DZIP1L: variants seen among roughly 807,000 people sequenced by gnomAD.
The protein encoded by DZIP1L is DAZ interacting zinc finger protein 1 like.
A neutral mutation model predicts 88.7 loss-of-function variants in DZIP1L; 90 were observed. The ratio of observed to expected loss-of-function variants is 1.02; its 90% CI spans 0.86 to 1.21. The LOEUF is 1.21. Among genes scored for constraint, DZIP1L ranks in the 50% most tolerant of loss-of-function variants. DZIP1L has a pLI of 0.00. For synonymous variants in DZIP1L, 363 were observed against 372.1 expected (o/e 0.98, Z 0.28); for missense variants, 932 against 955.8 (o/e 0.98, Z 0.33).
chr3:138,064,724 T>C lies in DZIP1L; in HGVS notation c.2046A>G (p.Leu682=). 1.2e-6 allele frequency: 2 copies of C among 1,605,246 alleles called. No homozygotes were observed. The highest frequency in any genetic ancestry group is 1.7e-6 in the Non-Finnish European group (2 of 1,176,766). The change falls in exon 15 of 16, where the codon CTA becomes CTG. Residue 682 remains leucine (L), a synonymous_variant. Transcript: ENST00000327532. Reference sequence around the variant, plus strand: ...CAGCAGGCTTCTTTGCTGGAGCTTCTAGCTGCTTCTCCAGGTTTTTGACCA... The same window carrying C: ...CAGCAGGCTTCTTTGCTGGAGCTTCCAGCTGCTTCTCCAGGTTTTTGACCA... The part of the protein sequence containing the change: ...QSMVKNLEKQ[L]EAPAKKPAGG...
intron 11 of DZIP1L, among the ~76,000 whole-genome samples, chr3:138,072,155 TC>T (rs1943211384): frequency 6.6e-6 from 1 of 152,230 alleles, no homozygotes; most frequent in Non-Finnish European, 1.5e-5. Context: ...TCTGACTGAA[TC>T]CTAGGATAAG....
chr3:138,099,833 C>A (rs1944644017), intron 2 of DZIP1L, among the ~76,000 whole-genome samples: 1 of 152,206 alleles, frequency 6.6e-6, no homozygotes, highest in Non-Finnish European at 1.5e-5. Context: ...TCATCAGGTG[C>A]CCAGTCTTGA....
In DZIP1L at chr3:138,071,831, G is replaced by T; in HGVS notation, c.1427C>A (p.Ala476Glu). 1 of 1,612,176 alleles carries T rather than the reference G, an allele frequency of 6.2e-7. No homozygotes were observed. The highest frequency in any genetic ancestry group is 8.5e-7 in the Non-Finnish European group (1 of 1,179,276). Residue 476 changes from alanine (A) to glutamate (E), a missense_variant, in exon 12 of 16, where the codon GCA becomes GAA. Ala to Glu is a moderately radical substitution (Grantham distance 107). Transcript: ENST00000327532. ...KLESMGIRKD[A>E]KGISIQTLRH... ...GAGAGTCTGAATCGAGATTCCCTTTGCATCCTAGAGGAGACAGGAGTTCAC... is the reference window on the plus strand; with the variant it reads ...GAGAGTCTGAATCGAGATTCCCTTTTCATCCTAGAGGAGACAGGAGTTCAC...
chr3:138,068,866 CCT>C (rs1943042508), intron 12 of DZIP1L: 1 of 1,208,014 alleles, frequency 8.3e-7, no homozygotes, highest in Non-Finnish European at 1.0e-6. Flanking sequence ...GGACACAGCC[CCT>C]CTGTTTTCCA....
chr3:138,099,926 C>T (rs927090721), intron 2 of DZIP1L, among the ~76,000 whole-genome samples: 8 of 152,200 alleles, frequency 5.3e-5, no homozygotes, highest in Non-Finnish European at 5.9e-5. Flanking sequence ...TATTGCAACA[C>T]TAAACTTACT....
intron 5 of DZIP1L, among the ~76,000 whole-genome samples, chr3:138,091,503 A>T (rs1944222303): frequency 6.6e-6 from 1 of 151,660 alleles, no homozygotes; most frequent in Non-Finnish European, 1.5e-5. Context: ...CTGTAATCCC[A>T]GTTACTCCGG....
chr3:138,110,288 C>T (rs532440006), intron 1 of DZIP1L, among the ~76,000 whole-genome samples: 125 of 152,102 alleles, frequency 8.2e-4, no homozygotes, highest in African/African-American at 2.9e-3. Flanking sequence ...ACATCACACA[C>T]CAGGGCCTGT....
chr3:138,071,256 T>C (rs1943163882), intron 12 of DZIP1L, among the ~76,000 whole-genome samples: 1 of 152,202 alleles, frequency 6.6e-6, no homozygotes, highest in Non-Finnish European at 1.5e-5. Context: ...CTGGCATGCC[T>C]GGTGTGTAGA....
rs2107850267 is a variant in DZIP1L, at chr3:138,104,067, G to C, written c.-81-15C>G. 6.6e-7 allele frequency: 1 copy of C among 1,508,348 alleles called. No homozygotes were observed. Among genetic ancestry groups the C allele is most frequent in the East Asian group, 2.3e-5 (1 of 44,088 alleles). The allele number at this position is 1,508,348 out of a possible 1,614,324, so 93.4% of individuals were successfully genotyped here. ...TGAGAGAAGGCCTGGAAAATAAGAA[G>C]AGAGTCCAAGTTAGGTGAGGTGTGT... On this transcript the variant is annotated splice_polypyrimidine_tract_variant and intron_variant, in intron 1 of 15. Transcript: ENST00000327532.
intron 1 of DZIP1L, among the ~76,000 whole-genome samples, chr3:138,104,306 A>G (rs902429404): frequency 1.3e-5 from 2 of 152,248 alleles, no homozygotes; most frequent in African/African-American, 4.8e-5. Context: ...AAGGAGGAAC[A>G]TGGGTCCCAC....
intron 9 of DZIP1L, 100 bp downstream of exon 9, chr3:138,081,634 A>G (rs1305523724): frequency 3.2e-6 from 4 of 1,259,888 alleles, no homozygotes; most frequent in Admixed American, 2.1e-5. Flanking sequence ...GCTGTCACCA[A>G]TCCACCACCC....
At chr3:138,102,383 C>A in intron 2 of DZIP1L, 1 of 1,234,642 alleles carries the variant, frequency 8.1e-7, no homozygotes. Flanking sequence ...CATCCTCATA[C>A]TTGTTCTCGA....
At chr3:138,098,843 T>C (rs555524750) in intron 2 of DZIP1L, among the ~76,000 whole-genome samples, 23 of 152,354 alleles carry the variant, frequency 1.5e-4, no homozygotes, top group African/African-American at 5.3e-4. Context: ...CACTGTGATA[T>C]TGTGATACAA....
Position 138,071,661 on chromosome 3 carries a change from G to T in DZIP1L, c.1597C>A (p.Pro533Thr), listed in dbSNP as rs776674487. 6.2e-7 allele frequency: 1 copy of T among 1,613,624 alleles called. No individual in the cohort carries two copies. The highest frequency in any genetic ancestry group is 8.5e-7 in the Non-Finnish European group (1 of 1,179,666). ...RQENGAVVSQPDGQPSVKSQQ... is the reference protein window; with the variant it reads ...RQENGAVVSQTDGQPSVKSQQ... Reference sequence around the variant, plus strand: ...AGTGTACCTGAAGGCTGCCCGTCTGGCTGGGACACCACAGCGCCATTCTCC... The same window carrying T: ...AGTGTACCTGAAGGCTGCCCGTCTGTCTGGGACACCACAGCGCCATTCTCC... The change falls in exon 12 of 16, where the codon CCA becomes ACA. Residue 533 changes from proline to threonine, a missense_variant. Transcript: ENST00000327532.
chr3:138,089,375 G>T, intron 5 of DZIP1L: 1 of 623,896 alleles, frequency 1.6e-6, no homozygotes, highest in Non-Finnish European at 2.0e-6. Context: ...CCACAGAGCT[G>T]ACTTTCTTGG....
At chr3:138,102,841 A>G in intron 2 of DZIP1L, 1 of 703,840 alleles carries the variant, frequency 1.4e-6, no homozygotes, top group Non-Finnish European at 2.6e-6. Flanking sequence ...GGGCCCACTC[A>G]TGTAGAAGCA....
At chr3:138,088,913 T>C (rs1362117419) in intron 5 of DZIP1L, 2 of 986,846 alleles carry the variant, frequency 2.0e-6, no homozygotes, top group Non-Finnish European at 2.4e-6. Context: ...CCTCTCTCCC[T>C]ACAAAACATC....
chr3:138,081,913 A>G lies in DZIP1L; in HGVS notation c.1204-149T>C. ...GAACTGGAAGGAGCTCAGATGCACC[A>G]CCCCAGCCCCCTGACACATCTCTGG... On this transcript the variant is annotated intron_variant, in intron 8 of 15. Transcript: ENST00000327532. 3.2e-6 allele frequency: 2 copies of G among 616,242 alleles called. 1 individual carries two copies. The highest frequency in any genetic ancestry group is 5.3e-6 in the Non-Finnish European group (2 of 377,784). The allele number at this position is 616,242 out of a possible 1,614,324, so 38.2% of individuals were successfully genotyped here. A position where few individuals can be genotyped will look rare whatever the true frequency, so the allele number is the denominator to read the frequency against.
In DZIP1L at chr3:138,062,766, A is replaced by T; in HGVS notation, c.*50T>A. ...AGCCTCTTCTGTTGAAGTGGACCTG[A>T]GCTGGCCCCAGCCAGGCTAACCCTC... is the stretch of plus-strand genomic sequence containing the variant. On this transcript the variant is annotated 3_prime_UTR_variant, in exon 16 of 16. Transcript: ENST00000327532. 1 of 1,605,722 alleles carries T rather than the reference A, an allele frequency of 6.2e-7. No individual in the cohort carries two copies. Among genetic ancestry groups the T allele is most frequent in the African/African-American group, 1.3e-5 (1 of 74,824 alleles).
Sources: allele counts gnomAD v4.1 joint callset (sites outside exome capture counted in the v4.1 genomes callset), GRCh38; gene constraint gnomAD v4.1.1; transcripts MANE v1.5; gene names NCBI Gene and HGNC (gene_info 2026-07-23, HGNC 2026-07-21).